The following CHL1 variants were observed in gnomAD, a reference collection of about 807,000 sequenced individuals.
CHL1 encodes the protein neural cell adhesion molecule L1-like protein.
In CHL1, 96 loss-of-function variants were observed where a neutral mutation model predicts 141.9. That is an observed-to-expected ratio of 0.68 (90% CI 0.57 to 0.80). The LOEUF is 0.80. CHL1 is among the 30% of genes least tolerant of loss of function. CHL1 has a pLI of 0.00. For missense variants in CHL1, 1,820 were observed against 1,457.2 expected, an observed-to-expected ratio of 1.25 and a Z score of -4.05; for synonymous variants, 613 against 502.2, an observed-to-expected ratio of 1.22 and a Z score of -2.95.
At position 390,962 on chromosome 3, in the gene CHL1, G is replaced by A. The variant is rs1352470214; in HGVS notation, c.2594G>A (p.Trp865Ter). The A allele has an allele frequency of 6.2e-7, 1 of 1,613,288 alleles. No individual in the cohort carries two copies. The highest frequency in any genetic ancestry group is 8.5e-7 in the Non-Finnish European group (1 of 1,179,378). Residue 865 changes from tryptophan (W) to a stop codon, truncating the protein, a stop_gained, in exon 22 of 28, where the codon TGG becomes TAG. Transcript: ENST00000256509. LOFTEE classifies it high-confidence loss of function. ...HGRLKGYQIN[W>*]WKTKSLLDGR... ...TTTTGGTTTTCATTGCAGATAAATT[G>A]GTGGAAAACAAAAAGTCTGTTGGAT...
chr3:244,510 A>C (rs2125109654), intron 1 of CHL1, 103 bp from the exon 2 acceptor site: 1 of 151,758 alleles, frequency 6.6e-6, no homozygotes. Context: ...GGGGAGAAAG[A>C]AAAATTAAAT....
intron 2 of CHL1, among the ~76,000 whole-genome samples, chr3:301,147 G>C (rs914755216): frequency 6.6e-6 from 1 of 152,170 alleles, no homozygotes; most frequent in Non-Finnish European, 1.5e-5. Context: ...AAGTGCTGAG[G>C]AATCAAAGTA....
At chr3:361,128 C>T (rs1200645918) in intron 12 of CHL1, among the ~76,000 whole-genome samples, 1 of 151,764 alleles carries the variant, frequency 6.6e-6, no homozygotes, top group African/African-American at 2.4e-5. Flanking sequence ...GGAAAGGAAT[C>T]CCTATTTAAT....
chr3:400,350 T>C (rs1472169561), intron 26 of CHL1, among the ~76,000 whole-genome samples: 2 of 152,182 alleles, frequency 1.3e-5, no homozygotes, highest in Admixed American at 6.5e-5. Context: ...CAATGACTAA[T>C]AAATGTTCTG....
chr3:277,148 G>A (rs1478431667), intron 2 of CHL1, among the ~76,000 whole-genome samples: 4 of 152,030 alleles, frequency 2.6e-5, no homozygotes, highest in East Asian at 1.9e-4. Context: ...TGTTACATGA[G>A]TATTCATTCT....
chr3:220,733 TACA>T (rs1392376447), intron 1 of CHL1, among the ~76,000 whole-genome samples: 1 of 152,214 alleles, frequency 6.6e-6, no homozygotes, highest in African/African-American at 2.4e-5. Context: ...TTTATTAGAC[TACA>T]ACAATGAAAA....
At chr3:211,388 A>T (rs909887507) in intron 1 of CHL1, among the ~76,000 whole-genome samples, 1 of 152,208 alleles carries the variant, frequency 6.6e-6, no homozygotes, top group African/African-American at 2.4e-5. Flanking sequence ...AGTAGGATGC[A>T]GGGTGAGGAT....
At chr3:377,716 C>A in intron 15 of CHL1, 102 bp from the exon 16 acceptor site, 1 of 1,019,690 alleles carries the variant, frequency 9.8e-7, no homozygotes, top group Non-Finnish European at 1.4e-6. Flanking sequence ...ATCTTTCACT[C>A]TTAGATTGTT....
chr3:232,509 G>C (rs2125047643), intron 1 of CHL1, among the ~76,000 whole-genome samples: 1 of 151,996 alleles, frequency 6.6e-6, no homozygotes, highest in East Asian at 1.9e-4. Flanking sequence ...AACAGTTTTA[G>C]GTTTTTTAAA....
intron 27 of CHL1, among the ~76,000 whole-genome samples, chr3:403,001 GA>G (rs1184382161): frequency 2.0e-5 from 3 of 152,164 alleles, no homozygotes; most frequent in African/African-American, 7.2e-5. Flanking sequence ...TCTGGCTCAG[GA>G]CCTCTCATGA....
At chr3:270,315 A>G (rs1695530123) in intron 2 of CHL1, among the ~76,000 whole-genome samples, 1 of 152,202 alleles carries the variant, frequency 6.6e-6, no homozygotes, top group Admixed American at 6.5e-5. Context: ...TAAACCAGTT[A>G]CAGCTGGATT....
chr3:399,494 G>A (rs1187458253), intron 26 of CHL1, among the ~76,000 whole-genome samples: 4 of 152,000 alleles, frequency 2.6e-5, no homozygotes, highest in South Asian at 2.1e-4. Context: ...ACAAAAATTA[G>A]CCGGGCATGG....
At chr3:403,192 T>A (rs1709280039) in intron 27 of CHL1, among the ~76,000 whole-genome samples, 1 of 152,116 alleles carries the variant, frequency 6.6e-6, no homozygotes, top group African/African-American at 2.4e-5. Flanking sequence ...CACGTAGATA[T>A]CTCCATGGGG....
At chr3:344,764 A>G in intron 9 of CHL1, 55 bp downstream of exon 9, 2 of 1,565,026 alleles carry the variant, frequency 1.3e-6, no homozygotes, top group Non-Finnish European at 1.7e-6. Flanking sequence ...GTAAAGAATA[A>G]GACATCAAGC....
chr3:384,073 G>A (rs532199563), intron 19 of CHL1, among the ~76,000 whole-genome samples, 187 bp downstream of exon 19: 1 of 152,166 alleles, frequency 6.6e-6, no homozygotes, highest in African/African-American at 2.4e-5. Context: ...TTATGAAATC[G>A]AGTTTAACAC....
chr3:319,361 C>A (rs1700380722), intron 2 of CHL1, among the ~76,000 whole-genome samples: 3 of 151,486 alleles, frequency 2.0e-5, no homozygotes, highest in Admixed American at 2.0e-4. Context: ...AAAGTTACCT[C>A]CTGAATCTAA....
intron 17 of CHL1, 34 bp downstream of exon 17, chr3:382,314 C>G (rs371312469): frequency 6.4e-7 from 1 of 1,570,112 alleles, no homozygotes; most frequent in Admixed American, 1.7e-5. Flanking sequence ...TTTCATTACT[C>G]TAGATAGTCA....
At chr3:206,049 G>C (rs1699410574) in intron 1 of CHL1, among the ~76,000 whole-genome samples, 2 of 152,152 alleles carry the variant, frequency 1.3e-5, no homozygotes, top group South Asian at 4.1e-4. Context: ...CTTTCCTGTT[G>C]TCCATCCAAA....
At chr3:255,577 T>C (rs1172601697) in intron 2 of CHL1, among the ~76,000 whole-genome samples, 2 of 152,110 alleles carry the variant, frequency 1.3e-5, no homozygotes, top group African/African-American at 4.8e-5. Context: ...ATACTAAGCA[T>C]TTTTATTCTA....
Sources: allele counts gnomAD v4.1 joint callset (sites outside exome capture counted in the v4.1 genomes callset), GRCh38; gene constraint gnomAD v4.1.1; transcripts MANE v1.5; gene names NCBI Gene and HGNC (gene_info 2026-07-23, HGNC 2026-07-21).